Variants in SIPA1L3 observed in about 807,000 individuals in gnomAD.
SIPA1L3 encodes the protein signal induced proliferation associated 1 like 3.
Under a neutral mutation model 150.1 loss-of-function variants are expected in SIPA1L3, and 59 were observed. The observed-to-expected ratio is 0.39, with a 90% CI of 0.32 to 0.49. The LOEUF is 0.49. SIPA1L3 is among the 20% of genes least tolerant of loss of function. SIPA1L3 has a pLI of 0.86. For synonymous variants in SIPA1L3, 1,070 were observed against 1,077.6 expected (o/e 0.99, Z 0.14); for missense variants, 2,211 against 2,489.5 (o/e 0.89, Z 2.38).
At chr19:38,083,891 G>A (rs996223455) in intron 3 of SIPA1L3, among the ~76,000 whole-genome samples, 2 of 151,848 alleles carry the variant, frequency 1.3e-5, no homozygotes, top group African/African-American at 4.8e-5. Context: ...TACTTGGGAG[G>A]CTGAGGTAGG....
chr19:38,006,197 A>C (rs1967934988), intron 1 of SIPA1L3, among the ~76,000 whole-genome samples: 1 of 151,850 alleles, frequency 6.6e-6, no homozygotes, highest in East Asian at 1.9e-4. Context: ...GGGTGAGTCC[A>C]GGGTAGGGGT....
chr19:38,132,584 CAAA>C (rs375027167), intron 10 of SIPA1L3, among the ~76,000 whole-genome samples: 3 of 108,546 alleles, frequency 2.8e-5, no homozygotes, highest in Admixed American at 9.6e-5. Flanking sequence ...AGCTACGTCT[CAAA>C]AAAAAAAAAA....
intron 1 of SIPA1L3, among the ~76,000 whole-genome samples, chr19:37,983,462 A>G (rs1438479136): frequency 6.6e-6 from 1 of 152,222 alleles, no homozygotes; most frequent in Non-Finnish European, 1.5e-5. Context: ...CACTGGCTTA[A>G]GAGTTAGCAG....
At chr19:37,971,306 G>T (rs1293683627) in intron 1 of SIPA1L3, among the ~76,000 whole-genome samples, 6 of 151,800 alleles carry the variant, frequency 4.0e-5, no homozygotes, top group Non-Finnish European at 7.4e-5. Flanking sequence ...AACATTTGAT[G>T]GTTTTCAGTG....
chr19:38,167,292 T>A (rs757029258), intron 15 of SIPA1L3, among the ~76,000 whole-genome samples: 24 of 150,698 alleles, frequency 1.6e-4, no homozygotes, highest in Non-Finnish European at 3.3e-4. Context: ...CTGTGTGTGA[T>A]ATACTTTGAT....
chr19:38,200,783 T>TG (rs1428140874), intron 19 of SIPA1L3: 1 of 151,606 alleles, frequency 6.6e-6, no homozygotes, highest in Non-Finnish European at 1.5e-5. Context: ...CAAAATTAGC[T>TG]GGGCATGGTG....
In SIPA1L3 at chr19:38,202,034, C is replaced by T. The variant is rs373587256; in HGVS notation, c.5120+37C>T. 45 of 1,580,844 alleles carry T rather than the reference C, an allele frequency of 2.8e-5. No homozygotes were observed. In the African/African-American group the frequency reaches 3.9e-4, roughly 14 times the overall value. On this transcript the variant is annotated intron_variant, in intron 20 of 21. Coordinates refer to ENST00000222345, the MANE Select transcript of SIPA1L3 (RefSeq NM_015073.3). ...CTGGGAACACCCGGGTTCATACCAG[C>T]GGCAGGCCTGTGCAGTGGAAGAGGC... is the stretch of plus-strand genomic sequence containing the variant.
chr19:38,000,925 T>C (rs1054293676), intron 1 of SIPA1L3, among the ~76,000 whole-genome samples: 10 of 66,010 alleles, frequency 1.5e-4, no homozygotes, highest in Non-Finnish European at 2.5e-4. Context: ...ATATATAACA[T>C]ATATATAACA....
chr19:37,936,602 C>A (rs1156347470), intron 1 of SIPA1L3, among the ~76,000 whole-genome samples: 1 of 152,214 alleles, frequency 6.6e-6, no homozygotes. Context: ...CTCAGTGAAT[C>A]TTCACAGTGG....
chr19:38,189,068 G>A (rs1972751300), intron 16 of SIPA1L3, among the ~76,000 whole-genome samples: 1 of 151,716 alleles, frequency 6.6e-6, no homozygotes. Context: ...GGCTTCCCTT[G>A]CACCTGTTTT....
intron 1 of SIPA1L3, among the ~76,000 whole-genome samples, chr19:37,999,086 G>A (rs1390081620): frequency 3.3e-5 from 5 of 152,066 alleles, no homozygotes; most frequent in Non-Finnish European, 7.4e-5. Flanking sequence ...AGACAGTTGG[G>A]AAGGTCCTGA....
rs779354065 is a variant in SIPA1L3, at chr19:38,082,272, A to G, written c.707A>G (p.Gln236Arg). 5 of 1,600,360 alleles carry G rather than the reference A, an allele frequency of 3.1e-6. No individual in the cohort carries two copies. In the South Asian group the frequency reaches 3.3e-5, roughly 11 times the overall value. The change falls in exon 3 of 22, where the codon CAG becomes CGG. Residue 236 changes from glutamine to arginine, a missense_variant. Physicochemically the swap from Gln to Arg is conservative, Grantham distance 43 (BLOSUM62 1). Coordinates refer to ENST00000222345, the MANE Select transcript of SIPA1L3 (RefSeq NM_015073.3). ...RSEQPDARGC[Q>R]ALTELLRADP... is the part of the protein sequence containing the mutation. Reference sequence around the variant, plus strand: ...GAGCAGCCCGACGCCCGAGGGTGCCAGGCCCTCACCGAGCTCCTCCGGGCA... The same window carrying G: ...GAGCAGCCCGACGCCCGAGGGTGCCGGGCCCTCACCGAGCTCCTCCGGGCA...
intron 1 of SIPA1L3, among the ~76,000 whole-genome samples, chr19:37,936,579 T>C (rs1419720972): frequency 5.3e-5 from 8 of 152,196 alleles, no homozygotes. Flanking sequence ...TACGAATACT[T>C]TTCATAAGCC....
chr19:38,182,293 T>C (rs183541820), intron 15 of SIPA1L3, among the ~76,000 whole-genome samples: 2 of 152,218 alleles, frequency 1.3e-5, no homozygotes, highest in East Asian at 3.9e-4. Flanking sequence ...AGGAACCAAA[T>C]GTGCTAGAAG....
chr19:37,950,989 T>C (rs771813942), intron 1 of SIPA1L3, among the ~76,000 whole-genome samples: 1 of 152,254 alleles, frequency 6.6e-6, no homozygotes, highest in Non-Finnish European at 1.5e-5. Context: ...TCTGCTGGTT[T>C]GGCCGCCCTA....
At chr19:38,202,461 G>T (rs952979846) in intron 20 of SIPA1L3, among the ~76,000 whole-genome samples, 4 of 152,068 alleles carry the variant, frequency 2.6e-5, no homozygotes, top group Admixed American at 2.6e-4. Flanking sequence ...GGTGGTGCGT[G>T]CCTGTAATCC....
At chr19:38,103,137 A>G (rs1970544937) in intron 6 of SIPA1L3, among the ~76,000 whole-genome samples, 1 of 28,970 alleles carries the variant, frequency 3.5e-5, no homozygotes, top group Non-Finnish European at 5.2e-5. Flanking sequence ...AATCAGTAGA[A>G]AAAAAAAAAA....
At chr19:38,065,993 T>TATTA in intron 2 of SIPA1L3, among the ~76,000 whole-genome samples, 1 of 130,496 alleles carries the variant, frequency 7.7e-6, no homozygotes, top group Non-Finnish European at 1.8e-5. Context: ...ATCTCTTATT[T>TATTA]ATTTATTTAT....
rs562060967 is a variant in SIPA1L3, at chr19:38,117,620, GAAAAA to G, written c.2292-1678_2292-1674del. ...AGCTACAGAGTGATACTCCATCTCAGAAAAAAAAAAAAGAGCATTACCTATGGGGT... is the reference window on the plus strand; with the variant it reads ...AGCTACAGAGTGATACTCCATCTCAGAAAAAAAGAGCATTACCTATGGGGT... On this transcript the variant is annotated intron_variant, in intron 8 of 21. Transcript: ENST00000222345. Among the ~76,000 whole-genome samples, 5 of 143,560 alleles carry G rather than the reference GAAAAA, an allele frequency of 3.5e-5. No homozygotes were observed. The East Asian group carries it at 1.0e-3, about 29-fold the overall frequency. 94.2% of individuals were successfully genotyped at this position (143,560 alleles called of 152,430 possible).
Sources: gnomAD v4.1 joint callset for allele counts (sites outside exome capture counted in the v4.1 genomes callset) on GRCh38, gnomAD v4.1.1 for gene constraint, MANE v1.5 for transcripts, NCBI Gene and HGNC (gene_info 2026-07-23, HGNC 2026-07-21) for gene names.